CNTN1: variants seen among roughly 807,000 people sequenced by gnomAD.
CNTN1 encodes the protein contactin 1.
Under a neutral mutation model 126.4 loss-of-function variants are expected in CNTN1, and 38 were observed. The ratio of observed to expected loss-of-function variants is 0.30; its 90% confidence interval spans 0.23 to 0.39. CNTN1 has a LOEUF of 0.39. Among genes scored for constraint, CNTN1 ranks in the 10% least tolerant of loss-of-function variants. CNTN1 has a pLI of 1.00. For missense variants in CNTN1, 1,009 were observed against 1,248.4 expected (o/e 0.81, Z 2.89); for synonymous variants, 413 against 422.6 (o/e 0.98, Z 0.28).
At chr12:40,807,309 T>A (rs1940896238) in intron 1 of CNTN1, among the ~76,000 whole-genome samples, 1 of 151,968 alleles carries the variant, frequency 6.6e-6, no homozygotes, top group South Asian at 2.1e-4. Flanking sequence ...TAATTATTAT[T>A]ATTTTTATAC....
At position 40,906,669 on chromosome 12, in the gene CNTN1, C is replaced by CTTTTTTTT. The variant is rs111442544; in HGVS notation, c.-76-1686_-76-1679dup. Among the ~76,000 whole-genome samples the CTTTTTTTT allele has an allele frequency of 6.4e-3, 680 of 107,002 alleles. 90 individuals are homozygous for CTTTTTTTT. The highest frequency in any genetic ancestry group is 8.9e-3 in the East Asian group (35 of 3,942). 70.2% of individuals were successfully genotyped at this position (107,002 alleles called of 152,430 possible). On this transcript the variant is annotated intron_variant, in intron 1 of 23. Coordinates refer to ENST00000551295, the MANE Select transcript of CNTN1 (RefSeq NM_001843.4). ...TTTCCTTTTAAAATTGTTTTTCATGCTTTTTTTTTGTTTTGTTTTTTTTGA... is the reference window on the plus strand; with the variant it reads ...TTTCCTTTTAAAATTGTTTTTCATGCTTTTTTTTTTTTTTTTTGTTTTGTTTTTTTTGA...
At chr12:41,064,688 G>A (rs774532535) in intron 23 of CNTN1, among the ~76,000 whole-genome samples, 7 of 151,940 alleles carry the variant, frequency 4.6e-5, no homozygotes, top group Non-Finnish European at 1.0e-4. Flanking sequence ...ACCCATCTTT[G>A]AGTAAAGCAT....
intron 1 of CNTN1, among the ~76,000 whole-genome samples, chr12:40,742,081 G>A (rs1937967638): frequency 6.6e-6 from 1 of 151,924 alleles, no homozygotes; most frequent in Non-Finnish European, 1.5e-5. Context: ...TCTCAAGTCA[G>A]ACAAACTGAC....
intron 1 of CNTN1, among the ~76,000 whole-genome samples, chr12:40,792,402 A>G (rs1471153020): frequency 2.0e-5 from 3 of 152,158 alleles, no homozygotes; most frequent in East Asian, 3.9e-4. Flanking sequence ...AAAAATCTCC[A>G]TTTCTTTTTT....
intron 1 of CNTN1, among the ~76,000 whole-genome samples, chr12:40,785,499 A>G (rs1939980569): frequency 1.3e-5 from 2 of 152,166 alleles, no homozygotes; most frequent in South Asian, 4.1e-4. Flanking sequence ...GCTGAGTCCA[A>G]AAAGAAAGTC....
intron 3 of CNTN1, among the ~76,000 whole-genome samples, chr12:40,916,175 T>C (rs1410168835): frequency 6.6e-6 from 1 of 152,160 alleles, no homozygotes; most frequent in East Asian, 1.9e-4. Context: ...AAGTCATTAT[T>C]TATCAAGGAT....
chr12:41,051,117 G>T, intron 23 of CNTN1, among the ~76,000 whole-genome samples: 1 of 148,570 alleles, frequency 6.7e-6, no homozygotes, highest in Non-Finnish European at 1.5e-5. Context: ...TCAGTGAGCT[G>T]TGTTTTTAGA....
intron 15 of CNTN1, among the ~76,000 whole-genome samples, chr12:40,973,868 C>T (rs1023897951): frequency 5.3e-5 from 8 of 152,004 alleles, no homozygotes; most frequent in Admixed American, 1.3e-4. Context: ...AATTGAGACA[C>T]GAGGATCTTA....
intron 1 of CNTN1, among the ~76,000 whole-genome samples, chr12:40,896,616 T>C (rs1944424466): frequency 6.6e-6 from 1 of 152,230 alleles, no homozygotes; most frequent in South Asian, 2.1e-4. Flanking sequence ...CATTAAGACA[T>C]ATCAGAAACA....
intron 1 of CNTN1, among the ~76,000 whole-genome samples, chr12:40,849,389 G>A (rs142757089): frequency 2.3e-3 from 356 of 152,138 alleles, no homozygotes; most frequent in African/African-American, 8.0e-3. Flanking sequence ...ATAAACAAAT[G>A]TAATAAATAC....
intron 19 of CNTN1, among the ~76,000 whole-genome samples, chr12:41,019,233 A>G (rs1163234405): frequency 6.6e-6 from 1 of 152,250 alleles, no homozygotes; most frequent in Non-Finnish European, 1.5e-5. Flanking sequence ...TACATCTTAC[A>G]GATAAAATGA....
intron 17 of CNTN1, among the ~76,000 whole-genome samples, chr12:41,007,221 G>A (rs35135815): frequency 0.035 from 5,280 of 151,544 alleles, 118 homozygotes; most frequent in Middle Eastern, 0.11. Flanking sequence ...CACTACGCCC[G>A]GCTAATTTTT....
intron 1 of CNTN1, among the ~76,000 whole-genome samples, chr12:40,825,398 C>G (rs1449060394): frequency 6.6e-6 from 1 of 151,958 alleles, no homozygotes; most frequent in East Asian, 1.9e-4. Context: ...CAGATTTATA[C>G]CCAAATTGGC....
At chr12:41,031,481 AAATTT>A (rs888625710) in intron 23 of CNTN1, among the ~76,000 whole-genome samples, 17 of 152,328 alleles carry the variant, frequency 1.1e-4, no homozygotes, top group African/African-American at 3.4e-4. Flanking sequence ...TTAAGCTTTT[AAATTT>A]AAGTTTACAT....
chr12:41,035,525 A>T (rs1248983459), intron 23 of CNTN1, among the ~76,000 whole-genome samples: 1 of 152,200 alleles, frequency 6.6e-6, no homozygotes, highest in Non-Finnish European at 1.5e-5. Flanking sequence ...ATTCTAATGG[A>T]TATCAGAAGA....
intron 23 of CNTN1, among the ~76,000 whole-genome samples, chr12:41,059,524 A>G (rs1247263774): frequency 6.6e-6 from 1 of 152,218 alleles, no homozygotes; most frequent in Admixed American, 6.5e-5. Flanking sequence ...TGTAGAGGAA[A>G]TAGTACTGGG....
At chr12:40,709,592 G>A (rs528266580) in intron 1 of CNTN1, among the ~76,000 whole-genome samples, 5 of 152,302 alleles carry the variant, frequency 3.3e-5, no homozygotes, top group African/African-American at 7.2e-5. Flanking sequence ...AGGCTGTTTC[G>A]TTTACGTTGA....
intron 1 of CNTN1, among the ~76,000 whole-genome samples, chr12:40,803,611 G>T (rs979405905): frequency 6.6e-6 from 1 of 151,848 alleles, no homozygotes; most frequent in Admixed American, 6.6e-5. Flanking sequence ...ATGCATTTTT[G>T]AAGACCCCCT....
intron 1 of CNTN1, among the ~76,000 whole-genome samples, chr12:40,832,125 A>C (rs1276943142): frequency 6.6e-6 from 1 of 152,208 alleles, no homozygotes; most frequent in Non-Finnish European, 1.5e-5. Context: ...ACTTGACTTA[A>C]TAGGCAGTGA....
Sources: allele counts gnomAD v4.1 joint callset (sites outside exome capture counted in the v4.1 genomes callset), GRCh38; gene constraint gnomAD v4.1.1; transcripts MANE v1.5; gene names NCBI Gene and HGNC (gene_info 2026-07-23, HGNC 2026-07-21).